Variants in RNF169 observed in about 807,000 individuals in gnomAD.
RNF169 encodes the protein E3 ubiquitin-protein ligase RNF169.
In RNF169, 24 loss-of-function variants were observed where a neutral mutation model predicts 53.9. That is an observed-to-expected ratio of 0.45 (90% CI 0.32 to 0.63). The LOEUF is 0.63. RNF169 is among the 20% of genes least tolerant of loss of function. The pLI is 0.04. For synonymous variants in RNF169, 396 were observed against 363.5 expected (o/e 1.09, Z -1.02); for missense variants, 883 against 906.2 (o/e 0.97, Z 0.33).
At position 74,790,304 on chromosome 11, in the gene RNF169, C is replaced by T. The variant is rs2035561799; in HGVS notation, c.576+605C>T. ...GTTGCTAGATAGTGTCATTCTTTCC[C>T]AGCCCTCTCCCTGCACCATCATTCC... is the stretch of plus-strand genomic sequence containing the variant. On this transcript the variant is annotated intron_variant, in intron 2 of 5. Transcript: ENST00000299563. Among the ~76,000 whole-genome samples the T allele has an allele frequency of 3.3e-5, 5 of 152,306 alleles. No individual in the cohort carries two copies. In the South Asian group the frequency reaches 8.3e-4, roughly 25 times the overall value.
intron 2 of RNF169, among the ~76,000 whole-genome samples, chr11:74,795,219 C>A (rs1422598280): frequency 8.4e-6 from 1 of 118,912 alleles, no homozygotes; most frequent in Non-Finnish European, 1.8e-5. Context: ...TGTAGATACT[C>A]TTTTTTTTTT....
At chr11:74,780,254 ACT>A (rs1182992287) in intron 1 of RNF169, among the ~76,000 whole-genome samples, 2 of 151,690 alleles carry the variant, frequency 1.3e-5, no homozygotes, top group Non-Finnish European at 2.9e-5. Context: ...CCCTTTCTTG[ACT>A]CTCAAAGAAT....
At position 74,841,712 on chromosome 11, in the gene RNF169, G is replaced by A. The variant is rs540007414; in HGVS notation, c.*4982G>A. On this transcript the variant is annotated 3_prime_UTR_variant, in exon 6 of 6. Coordinates refer to ENST00000299563, the MANE Select transcript of RNF169 (RefSeq NM_001098638.2). ...TAGTTTGAAGCCAAGGCAAAGCAAG[G>A]TTTGTTCATCTTCCTTTCCTGTCAT... 3.9e-5 allele frequency: 6 copies of A among 152,288 alleles called. No individual in the cohort carries two copies. Among genetic ancestry groups the A allele is most frequent in the African/African-American group, 1.4e-4 (6 of 41,550 alleles). The allele number at this position is 152,288 out of a possible 1,614,324, so 9.4% of individuals were successfully genotyped here.
intron 1 of RNF169, among the ~76,000 whole-genome samples, chr11:74,785,064 C>T (rs1394104596): frequency 6.6e-6 from 1 of 150,912 alleles, no homozygotes; most frequent in African/African-American, 2.4e-5. Flanking sequence ...TAATTGTGCT[C>T]TTCCGCATTC....
intron 2 of RNF169, among the ~76,000 whole-genome samples, chr11:74,789,998 C>T (rs1020073701): frequency 3.3e-5 from 5 of 152,312 alleles, no homozygotes; most frequent in Admixed American, 2.6e-4. Context: ...AACAGGTGCC[C>T]TTGCTAATAA....
intron 3 of RNF169, among the ~76,000 whole-genome samples, chr11:74,811,565 A>T (rs2035876813): frequency 6.6e-6 from 1 of 152,146 alleles, no homozygotes; most frequent in Non-Finnish European, 1.5e-5. Context: ...GTTTTTCCTG[A>T]ACTTAAAAAG....
chr11:74,749,047 A>G lies in RNF169; in HGVS notation c.167A>G (p.Gln56Arg), dbSNP rs1402930074. ...SLLVLSPPLL[Q>R]PPLPPRPEES... ...TTGGTGTTGTCGCCGCCGTTGCTGC[A>G]GCCGCCGCTGCCGCCGCGGCCGGAG... Residue 56 changes from glutamine to arginine, a missense_variant, in exon 1 of 6, where the codon CAG (glutamine) becomes CGG (arginine). Around this residue, in one of 3 missense-constraint regions of RNF169, gnomAD observed 313 missense variants for 279.9 expected, o/e 1.12. Coordinates refer to ENST00000299563, the MANE Select transcript of RNF169 (RefSeq NM_001098638.2). 2.0e-6 allele frequency: 3 copies of G among 1,467,916 alleles called. No homozygotes were observed. Among genetic ancestry groups the G allele is most frequent in the African/African-American group, 2.9e-5 (2 of 68,206 alleles). The allele number at this position is 1,467,916 out of a possible 1,614,324, so 90.9% of individuals were successfully genotyped here.
At chr11:74,791,755 C>G (rs1185296081) in intron 2 of RNF169, among the ~76,000 whole-genome samples, 1 of 152,196 alleles carries the variant, frequency 6.6e-6, no homozygotes, top group Non-Finnish European at 1.5e-5. Context: ...CCTGGGCCCC[C>G]AAGAGCACAG....
chr11:74,783,629 GC>G (rs1297925952), intron 1 of RNF169, among the ~76,000 whole-genome samples: 1 of 152,166 alleles, frequency 6.6e-6, no homozygotes, highest in Non-Finnish European at 1.5e-5. Context: ...AGGATTGGTA[GC>G]TTTGTGACTA....
At chr11:74,782,067 G>A (rs960065527) in intron 1 of RNF169, among the ~76,000 whole-genome samples, 1 of 152,126 alleles carries the variant, frequency 6.6e-6, no homozygotes, top group South Asian at 2.1e-4. Flanking sequence ...TTCATCTTTT[G>A]GCTTTGTTTT....
chr11:74,750,880 T>G (rs1249255067), intron 1 of RNF169, among the ~76,000 whole-genome samples: 7 of 127,646 alleles, frequency 5.5e-5, no homozygotes, highest in Admixed American at 5.4e-4. Context: ...TTTTTTTTTT[T>G]TTTTTTTTTT....
chr11:74,807,735 C>T (rs937727397), intron 2 of RNF169: 4 of 152,100 alleles, frequency 2.6e-5, no homozygotes, highest in African/African-American at 9.7e-5. Flanking sequence ...GTTCAACAAA[C>T]AACAGCAATT....
intron 1 of RNF169, among the ~76,000 whole-genome samples, chr11:74,763,016 G>C (rs1004742404): frequency 6.6e-6 from 1 of 152,102 alleles, no homozygotes; most frequent in East Asian, 1.9e-4. Flanking sequence ...GTGAAAGGGT[G>C]GGCTAGAAAA....
At chr11:74,776,060 T>C (rs2035328546) in intron 1 of RNF169, among the ~76,000 whole-genome samples, 1 of 152,094 alleles carries the variant, frequency 6.6e-6, no homozygotes, top group African/African-American at 2.4e-5. Context: ...AAGTATAATA[T>C]GACTTACTGT....
chr11:74,832,657 C>T (rs2036197811), intron 4 of RNF169: 1 of 152,122 alleles, frequency 6.6e-6, no homozygotes, highest in African/African-American at 2.4e-5. Flanking sequence ...AAAAGTCTTT[C>T]TCAGGTTGAT....
chr11:74,834,464 T>C (rs183300759), intron 4 of RNF169, among the ~76,000 whole-genome samples: 1 of 152,356 alleles, frequency 6.6e-6, no homozygotes, highest in Admixed American at 6.5e-5. Flanking sequence ...AACAAAATCT[T>C]GAACCAAATA....
At chr11:74,785,653 G>A (rs1025336906) in intron 1 of RNF169, among the ~76,000 whole-genome samples, 4 of 151,722 alleles carry the variant, frequency 2.6e-5, no homozygotes, top group Non-Finnish European at 4.4e-5. Context: ...CAGTCCTGTT[G>A]GGGCAAAAAA....
In RNF169 at chr11:74,834,794, C is replaced by G; in HGVS notation, c.942+19C>G. On this transcript the variant is annotated intron_variant, in intron 5 of 5. Coordinates refer to ENST00000299563, the MANE Select transcript of RNF169 (RefSeq NM_001098638.2). ...AGCCAAGGTACACCTCAGCCACAGA[C>G]CTCCGGGGCTTGTGAGGCTTGCCCC... is the stretch of plus-strand genomic sequence containing the variant. The G allele has an allele frequency of 1.3e-6, 2 of 1,568,074 alleles. No individual in the cohort carries two copies. The highest frequency in any genetic ancestry group is 1.8e-6 in the Non-Finnish European group (2 of 1,142,834).
intron 2 of RNF169, chr11:74,807,629 G>A (rs886597640): frequency 1.1e-4 from 16 of 152,174 alleles, no homozygotes; most frequent in African/African-American, 3.6e-4. Context: ...CTTAATTTTT[G>A]TCTCTATAAA....
Sources: gnomAD v4.1 joint callset for allele counts (sites outside exome capture counted in the v4.1 genomes callset) on GRCh38, gnomAD v4.1.1 for gene constraint, gnomAD v4.1.1 regional missense constraint, MANE v1.5 for transcripts, NCBI Gene and HGNC (gene_info 2026-07-23, HGNC 2026-07-21) for gene names.